RNF115: variants seen among roughly 807,000 people sequenced by gnomAD.
RNF115 encodes the protein ring finger protein 115, also known as E3 ubiquitin-protein ligase RNF115.
In RNF115, 31 loss-of-function variants were observed where a neutral mutation model predicts 39.2. The ratio of observed to expected loss-of-function variants is 0.79; its 90% CI spans 0.59 to 1.07. RNF115 has a LOEUF of 1.07. Ranked by LOEUF, RNF115 falls within the 50% of genes least tolerant of loss-of-function variation. The probability of loss-of-function intolerance (pLI) is 0.00; values close to 1 mark genes in which losing one functional copy is unlikely to be tolerated. For synonymous variants in RNF115, 124 were observed against 131.0 expected (o/e 0.95, Z 0.37); for missense variants, 384 against 381.7 (o/e 1.01, Z -0.05).
At chr1:145,771,352 G>C (rs781957208) in intron 4 of RNF115, among the ~76,000 whole-genome samples, 11 of 152,156 alleles carry the variant, frequency 7.2e-5, no homozygotes, top group Non-Finnish European at 1.5e-4. Context: ...GCCAGATGTG[G>C]ATCCCTCAAC....
At chr1:145,771,245 T>A (rs1647622942) in intron 4 of RNF115, among the ~76,000 whole-genome samples, 1 of 152,320 alleles carries the variant, frequency 6.6e-6, no homozygotes, top group Non-Finnish European at 1.5e-5. Context: ...AGTGAGTTCC[T>A]AATAAAAGGA....
chr1:145,757,697 G>A (rs955966718), intron 4 of RNF115, among the ~76,000 whole-genome samples: 13 of 152,204 alleles, frequency 8.5e-5, no homozygotes, highest in Non-Finnish European at 1.2e-4. Flanking sequence ...ACAACTATCA[G>A]AATTGCTGTG....
At chr1:145,753,775 G>A (rs1559104333) in intron 4 of RNF115, among the ~76,000 whole-genome samples, 2 of 152,192 alleles carry the variant, frequency 1.3e-5, no homozygotes, top group Non-Finnish European at 2.9e-5. Context: ...GGAGTGCAGT[G>A]GAGCGATCTC....
intron 7 of RNF115, among the ~76,000 whole-genome samples, chr1:145,749,351 C>T (rs1553712158): frequency 6.6e-6 from 1 of 152,188 alleles, no homozygotes; most frequent in Non-Finnish European, 1.5e-5. Context: ...ACTTAGTTTT[C>T]CCTCAAACCA....
At chr1:145,751,362 G>T in intron 6 of RNF115, 76 bp downstream of exon 6, 2 of 1,020,506 alleles carry the variant, frequency 2.0e-6, no homozygotes, top group Non-Finnish European at 1.5e-6. Flanking sequence ...ATTTCAGAAA[G>T]TAGCAGAAGG....
chr1:145,813,759 C>T (rs1649836967), intron 1 of RNF115, among the ~76,000 whole-genome samples: 1 of 150,748 alleles, frequency 6.6e-6, no homozygotes, highest in Non-Finnish European at 1.5e-5. Flanking sequence ...ATCAAACCTA[C>T]ACCAAAACAA....
chr1:145,770,132 A>C (rs1194401270), intron 4 of RNF115, among the ~76,000 whole-genome samples: 1 of 152,136 alleles, frequency 6.6e-6, no homozygotes, highest in South Asian at 2.1e-4. Context: ...AGGGAGAAAA[A>C]CTCTAAGGTC....
chr1:145,787,759 G>A (rs1272005688), intron 2 of RNF115, among the ~76,000 whole-genome samples: 1 of 151,174 alleles, frequency 6.6e-6, no homozygotes, highest in Non-Finnish European at 1.5e-5. Context: ...CATAGTGTCA[G>A]ACACCTGTAG....
chr1:145,817,183 GCA>G (rs1650030084), intron 1 of RNF115, among the ~76,000 whole-genome samples: 2 of 37,064 alleles, frequency 5.4e-5, no homozygotes, highest in African/African-American at 1.4e-4. Context: ...GAGTGTAATG[GCA>G]CAATCACAGC....
At chr1:145,808,462 T>G (rs782148706) in intron 1 of RNF115, among the ~76,000 whole-genome samples, 1 of 152,214 alleles carries the variant, frequency 6.6e-6, no homozygotes, top group Non-Finnish European at 1.5e-5. Context: ...CTGTTTCATA[T>G]ACCTGTTGGC....
intron 1 of RNF115, among the ~76,000 whole-genome samples, chr1:145,811,282 G>C (rs1649679369): frequency 6.7e-6 from 1 of 149,322 alleles, no homozygotes; most frequent in South Asian, 2.1e-4. Context: ...AGCACTTTGG[G>C]AGGCCAAGGA....
intron 3 of RNF115, among the ~76,000 whole-genome samples, chr1:145,779,616 T>C (rs1648033260): frequency 6.6e-6 from 1 of 152,134 alleles, no homozygotes; most frequent in Admixed American, 6.5e-5. Flanking sequence ...ATGAGAAGTA[T>C]TTTGCTAAAA....
intron 2 of RNF115, chr1:145,786,953 C>A (rs1267424988): frequency 4.1e-6 from 3 of 739,240 alleles, no homozygotes; most frequent in African/African-American, 1.8e-5. Flanking sequence ...CCCAGAAGCT[C>A]CAGCTTATTT....
At chr1:145,821,490 G>C (rs1416766426) in intron 1 of RNF115, among the ~76,000 whole-genome samples, 1 of 85,626 alleles carries the variant, frequency 1.2e-5, no homozygotes, top group East Asian at 2.7e-4. Context: ...TTTGAGACAG[G>C]GTCTGGCTCT....
rs182672802 is a variant in RNF115 at position 145,741,549 on chromosome 1, T to C, written c.*5317A>G. The stretch of plus-strand genomic sequence containing the variant: ...CACTGACATTACTGCAGGCTAGGAT[T>C]TCCCCCTATAGGACAGCCACTTGTG... On this transcript the variant is annotated 3_prime_UTR_variant, in exon 9 of 9. Coordinates refer to ENST00000582693, the MANE Select transcript of RNF115 (RefSeq NM_014455.4). 6.6e-6 allele frequency: 1 copy of C among 152,184 alleles called. No individual in the cohort carries two copies. The highest frequency in any genetic ancestry group is 1.5e-5 in the Non-Finnish European group (1 of 68,048). The allele number at this position is 152,184 out of a possible 1,614,324, so 9.4% of individuals were successfully genotyped here.
chr1:145,811,438 T>C (rs1405419509), intron 1 of RNF115, among the ~76,000 whole-genome samples: 1 of 146,308 alleles, frequency 6.8e-6, no homozygotes, highest in Non-Finnish European at 1.5e-5. Flanking sequence ...CAAAGAATTG[T>C]TCACTGTACT....
At chr1:145,763,960 C>T (rs1553714249) in intron 4 of RNF115, among the ~76,000 whole-genome samples, 4 of 145,622 alleles carry the variant, frequency 2.7e-5, no homozygotes. Flanking sequence ...CCCTCTGATG[C>T]CGAGCCGAAG....
intron 4 of RNF115, among the ~76,000 whole-genome samples, chr1:145,754,510 C>G (rs1004951525): frequency 1.3e-5 from 2 of 152,108 alleles, no homozygotes; most frequent in Non-Finnish European, 2.9e-5. Flanking sequence ...CACACCACCA[C>G]GCCTGGCTAA....
chr1:145,793,738 CCAAACA>C (rs1553719335), intron 1 of RNF115, among the ~76,000 whole-genome samples: 5 of 152,288 alleles, frequency 3.3e-5, no homozygotes. Flanking sequence ...TCCTGGTACT[CCAAACA>C]CAAACACATT....
Sources: allele counts gnomAD v4.1 joint callset (sites outside exome capture counted in the v4.1 genomes callset), GRCh38; gene constraint gnomAD v4.1.1; transcripts MANE v1.5; gene names NCBI Gene and HGNC (gene_info 2026-07-23, HGNC 2026-07-21).